Variants in DCAF6 observed in about 807,000 individuals in gnomAD.
The protein encoded by DCAF6 is DDB1 and CUL4 associated factor 6, also known as DDB1- and CUL4-associated factor 6.
A neutral mutation model predicts 125.1 loss-of-function variants in DCAF6; 54 were observed. The observed-to-expected ratio is 0.43, with a 90% CI of 0.35 to 0.54. The LOEUF (loss-of-function observed/expected upper bound fraction) is 0.54, where lower values mean the gene tolerates loss of function less well. Among genes scored for constraint, DCAF6 ranks in the 20% least tolerant of loss-of-function variants. DCAF6 has a pLI of 0.01. For missense variants in DCAF6, 934 were observed against 1,161.7 expected (o/e 0.80, Z 2.85); for synonymous variants, 371 against 390.4 (o/e 0.95, Z 0.58).
chr1:167,979,583 A>G (rs1343651973), intron 4 of DCAF6, among the ~76,000 whole-genome samples: 3 of 152,102 alleles, frequency 2.0e-5, no homozygotes, highest in Admixed American at 2.0e-4. Context: ...TATATACCAC[A>G]TTTTCTTTAT....
chr1:168,023,319 T>C, intron 12 of DCAF6: 1 of 507,886 alleles, frequency 2.0e-6, no homozygotes, highest in South Asian at 3.1e-5. Flanking sequence ...ATACAAACTA[T>C]ATCCATTTTT....
the DCAF6 span, among the ~76,000 whole-genome samples, chr1:167,913,642 A>G: frequency 6.6e-6 from 1 of 152,204 alleles, no homozygotes; most frequent in African/African-American, 2.4e-5. Context: ...TTTACTCCAC[A>G]GCACCTTGCC....
chr1:168,020,648 T>G (rs1290068396), intron 11 of DCAF6, among the ~76,000 whole-genome samples: 1 of 152,162 alleles, frequency 6.6e-6, no homozygotes, highest in Non-Finnish European at 1.5e-5. Flanking sequence ...CTCTAGAAGG[T>G]ATTTCCCAGA....
chr1:168,063,853 A>ATT (rs1285570192), intron 18 of DCAF6, 94 bp downstream of exon 18: 1 of 1,197,740 alleles, frequency 8.3e-7, no homozygotes, highest in Non-Finnish European at 1.2e-6. Flanking sequence ...TGCCAATGGG[A>ATT]TTTCAGTATT....
intron 1 of DCAF6, among the ~76,000 whole-genome samples, chr1:167,943,963 C>G (rs887336833): frequency 6.6e-6 from 1 of 151,612 alleles, no homozygotes; most frequent in Non-Finnish European, 1.5e-5. Context: ...CTCAGCCTCC[C>G]AAGTAGTTGG....
intron 7 of DCAF6, among the ~76,000 whole-genome samples, chr1:167,994,685 A>G (rs1192308024): frequency 6.6e-6 from 1 of 152,194 alleles, no homozygotes; most frequent in Admixed American, 6.5e-5. Context: ...AGCTGTAGAA[A>G]AATGTTTGCT....
At chr1:167,899,123 G>A in the DCAF6 span, among the ~76,000 whole-genome samples, 2 of 152,230 alleles carry the variant, frequency 1.3e-5, no homozygotes, top group African/African-American at 4.8e-5. Flanking sequence ...TGGATGAACC[G>A]GCAGACCCTT....
intron 17 of DCAF6, among the ~76,000 whole-genome samples, chr1:168,063,023 T>G (rs148881800): frequency 1.3e-5 from 2 of 151,820 alleles, no homozygotes; most frequent in African/African-American, 4.8e-5. Context: ...GCCATTCTCC[T>G]GCCTCAGCCT....
the DCAF6 span, chr1:167,880,595 G>A: frequency 1.2e-6 from 2 of 1,613,630 alleles, no homozygotes; most frequent in Admixed American, 3.3e-5. Flanking sequence ...CAAAGACACA[G>A]AGGAAAGAGC....
At chr1:167,895,974 T>G in the DCAF6 span, among the ~76,000 whole-genome samples, 17 of 152,114 alleles carry the variant, frequency 1.1e-4, no homozygotes, top group African/African-American at 4.1e-4. Flanking sequence ...ATAATACTTT[T>G]GAACTCAAGG....
At chr1:168,011,057 T>G (rs1375390986) in intron 10 of DCAF6, among the ~76,000 whole-genome samples, 1 of 151,976 alleles carries the variant, frequency 6.6e-6, no homozygotes, top group East Asian at 1.9e-4. Flanking sequence ...AGTGAATCAC[T>G]TAAAGCTTCC....
At chr1:167,928,053 T>TA in the DCAF6 span, among the ~76,000 whole-genome samples, 28 of 151,058 alleles carry the variant, frequency 1.9e-4, no homozygotes, top group East Asian at 5.8e-4. Context: ...TCTTAACTGT[T>TA]AAAAAAAAAG....
intron 12 of DCAF6, among the ~76,000 whole-genome samples, chr1:168,030,862 C>T (rs1405586479): frequency 1.3e-5 from 2 of 152,136 alleles, no homozygotes; most frequent in African/African-American, 2.4e-5. Context: ...TAACAGGTGA[C>T]TTTTTCAGCC....
chr1:167,926,175 C>T, the DCAF6 span, among the ~76,000 whole-genome samples: 7 of 152,138 alleles, frequency 4.6e-5, no homozygotes, highest in Non-Finnish European at 8.8e-5. Context: ...TTCTTGTGTA[C>T]GTTCGAATTT....
chr1:168,065,285 A>T (rs1692180105), intron 18 of DCAF6, among the ~76,000 whole-genome samples: 1 of 152,000 alleles, frequency 6.6e-6, no homozygotes, highest in African/African-American at 2.4e-5. Context: ...GCCTATCATA[A>T]TTTAAAGAAG....
chr1:167,991,389 A>C, intron 6 of DCAF6, 50 bp downstream of exon 6: 1 of 1,504,048 alleles, frequency 6.6e-7, no homozygotes, highest in Non-Finnish European at 8.9e-7. Flanking sequence ...TCAAAGAGTA[A>C]ATCTCTATGA....
At chr1:168,034,802 C>G (rs962901382) in intron 12 of DCAF6, among the ~76,000 whole-genome samples, 9 of 152,072 alleles carry the variant, frequency 5.9e-5, no homozygotes, top group South Asian at 2.1e-4. Flanking sequence ...CATATCTGTG[C>G]ATTATGTAAA....
At chr1:167,864,452 GTA>G in the DCAF6 span, among the ~76,000 whole-genome samples, 1 of 152,180 alleles carries the variant, frequency 6.6e-6, no homozygotes, top group South Asian at 2.1e-4. Flanking sequence ...ATGGCACAAG[GTA>G]ACCTGTAAGC....
intron 21 of DCAF6, among the ~76,000 whole-genome samples, chr1:168,072,805 TTTC>T (rs1319679861): frequency 6.6e-6 from 1 of 152,202 alleles, no homozygotes; most frequent in Non-Finnish European, 1.5e-5. Context: ...GGGAAATTTT[TTTC>T]TTATCTACCT....
Sources: allele counts gnomAD v4.1 joint callset (sites outside exome capture counted in the v4.1 genomes callset), GRCh38; gene constraint gnomAD v4.1.1; transcripts MANE v1.5; gene names NCBI Gene and HGNC (gene_info 2026-07-23, HGNC 2026-07-21).